TRHDE: variants seen among roughly 807,000 people sequenced by gnomAD.
The protein encoded by TRHDE is thyrotropin releasing hormone degrading enzyme.
Under a neutral mutation model 125.7 loss-of-function variants are expected in TRHDE, and 72 were observed. The observed-to-expected ratio is 0.57, with a 90% CI of 0.47 to 0.70. The LOEUF is 0.70. Ranked by LOEUF, TRHDE falls within the 30% of genes least tolerant of loss-of-function variation. TRHDE has a pLI of 0.00. For synonymous variants in TRHDE, 509 were observed against 509.1 expected (o/e 1.00, Z 0.00); for missense variants, 1,110 against 1,327.1 (o/e 0.84, Z 2.54).
At chr12:72,221,515 A>G (rs561940398) in intron 2 of TRHDE, among the ~76,000 whole-genome samples, 3 of 152,274 alleles carry the variant, frequency 2.0e-5, no homozygotes, top group Admixed American at 6.5e-5. Flanking sequence ...GGATGAGAAG[A>G]GTCCTACTCA....
intron 2 of TRHDE, among the ~76,000 whole-genome samples, chr12:72,340,177 G>C (rs1220972805): frequency 1.3e-5 from 2 of 152,156 alleles, no homozygotes; most frequent in African/African-American, 4.8e-5. Context: ...TGGGAACTCA[G>C]AAAATGATAG....
chr12:72,325,116 G>A (rs1203945405), intron 2 of TRHDE, among the ~76,000 whole-genome samples: 1 of 151,726 alleles, frequency 6.6e-6, no homozygotes. Context: ...GAAACTCGGT[G>A]GAACTCTTTT....
At chr12:72,322,888 G>T (rs116805230) in intron 2 of TRHDE, among the ~76,000 whole-genome samples, 90 of 152,148 alleles carry the variant, frequency 5.9e-4, no homozygotes, top group African/African-American at 2.0e-3. Flanking sequence ...GCCTGGCTGG[G>T]GACTTAGCCT....
At position 72,499,832 on chromosome 12, in the gene TRHDE, T is replaced by G. The variant is rs149795540; in HGVS notation, c.1722+197T>G. ...AAAGTTGGCAAAATGGAGATTAATA[T>G]TTGCCAAATAATGCATAGAAATATT... On this transcript the variant is annotated intron_variant, in intron 6 of 18. Transcript: ENST00000261180. Among the ~76,000 whole-genome samples, 108 of 152,312 alleles carry G rather than the reference T, an allele frequency of 7.1e-4. 1 individual carries two copies. In the East Asian group the frequency reaches 0.019, roughly 27 times the overall value.
chr12:72,549,667 AC>A, intron 7 of TRHDE, among the ~76,000 whole-genome samples: 1 of 151,920 alleles, frequency 6.6e-6, no homozygotes, highest in South Asian at 2.1e-4. Context: ...TTTATTAATG[AC>A]CTAACTATAA....
intron 2 of TRHDE, among the ~76,000 whole-genome samples, chr12:72,154,043 A>G (rs950637591): frequency 6.6e-5 from 10 of 152,172 alleles, no homozygotes; most frequent in African/African-American, 2.4e-4. Context: ...GTCTCTTTGT[A>G]GGTCTCTAAG....
At position 72,148,861 on chromosome 12, in the gene TRHDE, G is replaced by C. The variant is rs559694479; in HGVS notation, n.279+43109G>C. Among the ~76,000 whole-genome samples, 13 of 152,270 alleles carry C rather than the reference G, an allele frequency of 8.5e-5. No individual in the cohort carries two copies. In the South Asian group the frequency reaches 2.7e-3, roughly 32 times the overall value. On this transcript the variant is annotated intron_variant and non_coding_transcript_variant, in intron 2 of 4. Transcript: ENST00000548156. Reference sequence around the variant, plus strand: ...GTGAAAGCGACTATCTTGCAAGCTGGACTAGAACAAAGTATGTCAGTATGA... The same window carrying C: ...GTGAAAGCGACTATCTTGCAAGCTGCACTAGAACAAAGTATGTCAGTATGA...
intron 2 of TRHDE, among the ~76,000 whole-genome samples, chr12:72,333,724 C>G (rs1208372544): frequency 6.6e-6 from 1 of 152,172 alleles, no homozygotes. Flanking sequence ...TATCTTAACA[C>G]CATCAGATTG....
chr12:72,125,397 A>G (rs1184448139), intron 2 of TRHDE, among the ~76,000 whole-genome samples: 1 of 152,144 alleles, frequency 6.6e-6, no homozygotes, highest in Non-Finnish European at 1.5e-5. Context: ...TTACCTATTA[A>G]AAAAACTGGA....
At chr12:72,376,125 G>T (rs1871870123) in intron 2 of TRHDE, among the ~76,000 whole-genome samples, 1 of 152,144 alleles carries the variant, frequency 6.6e-6, no homozygotes, top group African/African-American at 2.4e-5. Flanking sequence ...AGGTGCAAGA[G>T]TATGGAAGTC....
chr12:72,113,859 C>T (rs1392922474), intron 2 of TRHDE, among the ~76,000 whole-genome samples: 1 of 151,974 alleles, frequency 6.6e-6, no homozygotes, highest in Non-Finnish European at 1.5e-5. Context: ...TCTATATGAC[C>T]TGGGTCCTTT....
At chr12:72,586,181 A>G (rs922983955) in intron 12 of TRHDE, among the ~76,000 whole-genome samples, 5 of 152,234 alleles carry the variant, frequency 3.3e-5, no homozygotes, top group Non-Finnish European at 5.9e-5. Context: ...AGCATTTTAC[A>G]TTATTTTACA....
At chr12:72,495,531 C>G (rs891435217) in intron 5 of TRHDE, among the ~76,000 whole-genome samples, 2 of 152,052 alleles carry the variant, frequency 1.3e-5, no homozygotes, top group African/African-American at 4.8e-5. Flanking sequence ...GAAACCTTTT[C>G]TGAACTAATT....
chr12:72,238,411 ACTT>A (rs1878406727), intron 2 of TRHDE, among the ~76,000 whole-genome samples: 1 of 141,442 alleles, frequency 7.1e-6, no homozygotes, highest in Non-Finnish European at 1.5e-5. Context: ...GATAAATTAT[ACTT>A]TAAGTTCTGG....
chr12:72,546,524 T>TATCA lies in TRHDE; in HGVS notation c.1788+4169_1788+4172dup, dbSNP rs1869427761. Among the ~76,000 whole-genome samples, 3 of 151,776 alleles carry TATCA rather than the reference T, an allele frequency of 2.0e-5. No homozygotes were observed. In the South Asian group the frequency reaches 6.2e-4, roughly 31 times the overall value. ...TGTTTTGGCTCTGAAAATGATTAACTATCATGATCCTATCACTCATTATTA... is the reference window on the plus strand; with the variant it reads ...TGTTTTGGCTCTGAAAATGATTAACTATCAATCATGATCCTATCACTCATTATTA... On this transcript the variant is annotated intron_variant, in intron 7 of 18. Coordinates refer to ENST00000261180, the MANE Select transcript of TRHDE (RefSeq NM_013381.3).
chr12:72,637,816 G>A (rs1389471045), intron 15 of TRHDE, among the ~76,000 whole-genome samples: 1 of 151,946 alleles, frequency 6.6e-6, no homozygotes, highest in Non-Finnish European at 1.5e-5. Flanking sequence ...GAGTGGTTTT[G>A]AGTGAGATTC....
At chr12:72,119,448 G>A (rs183500573) in intron 2 of TRHDE, among the ~76,000 whole-genome samples, 1 of 152,240 alleles carries the variant, frequency 6.6e-6, no homozygotes. Context: ...CTTGTTTTGT[G>A]GCCTAACATA....
At chr12:72,228,359 G>A (rs1878178601) in intron 2 of TRHDE, among the ~76,000 whole-genome samples, 1 of 152,210 alleles carries the variant, frequency 6.6e-6, no homozygotes, top group Non-Finnish European at 1.5e-5. Context: ...ACCCTCTGAA[G>A]CAATGTCTTG....
chr12:72,470,092 A>G (rs1230942319), intron 4 of TRHDE, among the ~76,000 whole-genome samples, 180 bp downstream of exon 4: 1 of 152,248 alleles, frequency 6.6e-6, no homozygotes, highest in Non-Finnish European at 1.5e-5. Context: ...AACAAAAACA[A>G]ACACACTGAT....
Sources: gnomAD v4.1 joint callset for allele counts (sites outside exome capture counted in the v4.1 genomes callset) on GRCh38, gnomAD v4.1.1 for gene constraint, MANE v1.5 for transcripts, NCBI Gene and HGNC (gene_info 2026-07-23, HGNC 2026-07-21) for gene names.